EP400: variants seen among roughly 807,000 people sequenced by gnomAD.
EP400 encodes the protein E1A binding protein p400, also known as E1A-binding protein p400.
In EP400, 105 loss-of-function variants were observed where a neutral mutation model predicts 354.1. That is an observed-to-expected ratio of 0.30 (90% CI 0.25 to 0.35). EP400 has a LOEUF of 0.35. Among genes scored for constraint, EP400 ranks in the 10% least tolerant of loss-of-function variants. The pLI is 1.00. For missense variants in EP400, 3,280 were observed against 4,121.0 expected (o/e 0.80, Z 5.59); for synonymous variants, 1,646 against 1,716.9 (o/e 0.96, Z 1.02).
intron 30 of EP400, among the ~76,000 whole-genome samples, chr12:132,033,563 G>A (rs1378582326): frequency 1.4e-5 from 2 of 148,136 alleles, no homozygotes; most frequent in Middle Eastern, 3.2e-3. Flanking sequence ...TTTTTGAGAC[G>A]GTCTGTTGCC....
chr12:132,046,866 G>C (rs923235459), intron 39 of EP400, among the ~76,000 whole-genome samples: 3 of 152,238 alleles, frequency 2.0e-5, no homozygotes, highest in African/African-American at 7.2e-5. Context: ...TGTGCTGCCT[G>C]ACTTCCAGGG....
At chr12:131,976,933 A>G (rs555833658) in intron 2 of EP400, among the ~76,000 whole-genome samples, 3 of 152,150 alleles carry the variant, frequency 2.0e-5, no homozygotes, top group Admixed American at 6.5e-5. Flanking sequence ...GTGAGATGCT[A>G]TGTGTCTTTA....
intron 12 of EP400, 86 bp downstream of exon 12, chr12:131,995,042 A>C: frequency 1.6e-6 from 2 of 1,278,564 alleles, no homozygotes; most frequent in Non-Finnish European, 2.2e-6. Context: ...TATATTGAGT[A>C]ACAACAGCAG....
Position 132,017,463 on chromosome 12 carries a change from C to T in EP400, c.3924-72C>T, listed in dbSNP as rs868526111. ...CCTGCCTTTCTGGAGTTGGGACAGT[C>T]GATGGTGAGGGTGGGACTATGTCCA... On this transcript the variant is annotated intron_variant, in intron 19 of 52. Coordinates refer to ENST00000389561, the MANE Select transcript of EP400 (RefSeq NM_015409.5). The surrounding 1 kb of genome is among the most constrained non-coding windows in gnomAD (Gnocchi z 5.0). 470 of 1,515,012 alleles carry T rather than the reference C, an allele frequency of 3.1e-4. No individual in the cohort carries two copies. The highest frequency in any genetic ancestry group is 3.9e-4 in the Non-Finnish European group (431 of 1,111,550). 93.8% of individuals were successfully genotyped at this position (1,515,012 alleles called of 1,614,324 possible). A position where few individuals can be genotyped will look rare whatever the true frequency, so the allele number is the denominator to read the frequency against.
At chr12:131,981,307 T>C (rs1001931630) in intron 3 of EP400, among the ~76,000 whole-genome samples, 182 bp from the exon 4 acceptor site, 3 of 152,218 alleles carry the variant, frequency 2.0e-5, no homozygotes, top group African/African-American at 7.2e-5. Flanking sequence ...CTTTTTCTTA[T>C]ATCGGCAACA....
At chr12:132,073,544 C>T (rs1398681758) in intron 51 of EP400, among the ~76,000 whole-genome samples, 3 of 148,136 alleles carry the variant, frequency 2.0e-5, no homozygotes, top group African/African-American at 7.7e-5. Context: ...ACTTCCGCCT[C>T]CTGTGTTCAA....
chr12:132,045,674 AC>A (rs1895071673), intron 38 of EP400, 52 bp from the exon 39 acceptor site: 1 of 1,606,658 alleles, frequency 6.2e-7, no homozygotes, highest in South Asian at 1.1e-5. Context: ...AAGAGGGAAG[AC>A]CTTCTGACTT....
At position 131,981,589 on chromosome 12, in the gene EP400, C is replaced by T. The variant is rs989992054; in HGVS notation, c.1536C>T (p.Thr512=). 24 of 1,595,672 alleles carry T rather than the reference C, an allele frequency of 1.5e-5. No homozygotes were observed. The highest frequency in any genetic ancestry group is 1.7e-4 in the Middle Eastern group (1 of 5,914). Residue 512 remains threonine (T), a synonymous_variant, in exon 4 of 53, where the codon ACC becomes ACT. Coordinates refer to ENST00000389561, the MANE Select transcript of EP400 (RefSeq NM_015409.5). ...AGVPLQQLMP[T]AQGGMPPTPQ... ...TTCCTCTCCAGCAACTAATGCCGAC[C>T]GCACAAGGTAAGGCCCAGCAGCAGA... is the stretch of plus-strand genomic sequence containing the variant.
At chr12:132,061,257 C>T (rs1313842203) in intron 45 of EP400, among the ~76,000 whole-genome samples, 1 of 152,210 alleles carries the variant, frequency 6.6e-6, no homozygotes, top group African/African-American at 2.4e-5. Flanking sequence ...GAGAGCAGAG[C>T]GAGTTGCTCC....
intron 15 of EP400, among the ~76,000 whole-genome samples, chr12:132,009,830 A>ATTTTTTTT (rs35513772): frequency 2.5e-5 from 2 of 79,722 alleles, no homozygotes; most frequent in African/African-American, 6.2e-5. Context: ...CGCCTGGCTA[A>ATTTTTTTT]TTTTTTTTTT....
intron 1 of EP400, among the ~76,000 whole-genome samples, chr12:131,952,302 C>CAAAAAAAAAAAAAA (rs927214848): frequency 4.3e-5 from 2 of 47,032 alleles, no homozygotes; most frequent in East Asian, 7.5e-4. Flanking sequence ...GACTCTGTCT[C>CAAAAAAAAAAAAAA]AAAAAAAAAA....
intron 2 of EP400, among the ~76,000 whole-genome samples, chr12:131,978,295 G>A (rs1218836231): frequency 6.6e-6 from 1 of 152,010 alleles, no homozygotes; most frequent in African/African-American, 2.4e-5. Flanking sequence ...CCCACCAGAC[G>A]GTGCATTTGT....
intron 32 of EP400, among the ~76,000 whole-genome samples, chr12:132,039,995 G>A (rs1360769030): frequency 6.6e-6 from 1 of 152,190 alleles, no homozygotes; most frequent in Non-Finnish European, 1.5e-5. Context: ...AGCTGTGATC[G>A]TGCCACTGCA....
In EP400 at chr12:132,069,531, C is replaced by A; in HGVS notation, c.8911C>A (p.Gln2971Lys). The A allele has an allele frequency of 6.2e-6, 10 of 1,614,228 alleles. No homozygotes were observed. The highest frequency in any genetic ancestry group is 8.5e-6 in the Non-Finnish European group (10 of 1,180,024). Residue 2971 changes from glutamine to lysine, a missense_variant, in exon 51 of 53, where the codon CAG (glutamine) becomes AAG (lysine). Around this residue, in one of 20 missense-constraint regions of EP400, gnomAD observed 279 missense variants for 386.7 expected, o/e 0.72. Transcript: ENST00000389561. Reference protein sequence around the residue: ...AQQITTPGAQQKVAYAAQPAL... With the variant: ...AQQITTPGAQKKVAYAAQPAL... The stretch of plus-strand genomic sequence containing the variant: ...GCAGATCACCACCCCTGGCGCGCAG[C>A]AGAAGGTTGCCTACGCCGCGCAGCC...
intron 1 of EP400, among the ~76,000 whole-genome samples, chr12:131,959,858 G>A (rs1028520151): frequency 6.6e-6 from 1 of 152,230 alleles, no homozygotes; most frequent in Non-Finnish European, 1.5e-5. Flanking sequence ...TGTCTTACCC[G>A]TGTCTGTCTC....
At position 132,018,170 on chromosome 12, in the gene EP400, C is replaced by T; in HGVS notation, c.4111-40C>T. ...TTTTGATTCTTAGGTGCTTTTTTTG[C>T]CTCTTCATGCAGCAAGACTTTTTTT... On this transcript the variant is annotated intron_variant, in intron 20 of 52. Coordinates refer to ENST00000389561, the MANE Select transcript of EP400 (RefSeq NM_015409.5). This position sits in a 1 kb window ranked among gnomAD's most constrained non-coding sequence, Gnocchi z 4.0. 2 of 1,600,198 alleles carry T rather than the reference C, an allele frequency of 1.2e-6. No individual in the cohort carries two copies. The highest frequency in any genetic ancestry group is 1.8e-5 in the Admixed American group (1 of 55,474).
Position 132,070,064 on chromosome 12 carries a change from C to T in EP400, c.9021+423C>T, listed in dbSNP as rs35866420. On this transcript the variant is annotated intron_variant, in intron 51 of 52. Coordinates refer to ENST00000389561, the MANE Select transcript of EP400 (RefSeq NM_015409.5). The surrounding 1 kb of genome is among the most constrained non-coding windows in gnomAD (Gnocchi z 4.1). ...GATTTCATGTGTGCAGTGTGCCCTC[C>T]CGTCTTCCTCTCTGCCTAGAGCTTT... Among the ~76,000 whole-genome samples, 39,130 of 152,060 alleles carry T rather than the reference C, an allele frequency of 0.26. 6,242 individuals are homozygous for T. The highest frequency in any genetic ancestry group is 0.36 in the Non-Finnish European group (24,151 of 67,954).
At chr12:132,041,317 G>C (rs1894898065) in intron 32 of EP400, among the ~76,000 whole-genome samples, 1 of 152,246 alleles carries the variant, frequency 6.6e-6, no homozygotes. Context: ...AAAGATTCCA[G>C]CTGGAGAAAT....
chr12:132,020,957 G>T (rs1894103680), intron 22 of EP400, 122 bp from the exon 23 acceptor site: 1 of 1,320,902 alleles, frequency 7.6e-7, no homozygotes, highest in African/African-American at 1.5e-5. Context: ...CCTTAAGAGG[G>T]GACTTCTCAT....
Sources: gnomAD v4.1 joint callset for allele counts (sites outside exome capture counted in the v4.1 genomes callset) on GRCh38, gnomAD v4.1.1 for gene constraint, gnomAD v4.1.1 regional missense constraint, Gnocchi (gnomAD v3.1) non-coding constraint, MANE v1.5 for transcripts, NCBI Gene and HGNC (gene_info 2026-07-23, HGNC 2026-07-21) for gene names.